Variants in DAB1 observed in about 807,000 individuals in gnomAD.
The protein encoded by DAB1 is DAB adaptor protein 1.
Under a neutral mutation model 64.6 loss-of-function variants are expected in DAB1, and 15 were observed. The ratio of observed to expected loss-of-function variants is 0.23; its 90% confidence interval spans 0.16 to 0.36. The LOEUF is 0.36. Among genes scored for constraint, DAB1 ranks in the 10% least tolerant of loss-of-function variants. DAB1 has a pLI of 1.00. For missense variants in DAB1, 596 were observed against 706.7 expected, an observed-to-expected ratio of 0.84 and a Z score of 1.78; for synonymous variants, 235 against 251.9, an observed-to-expected ratio of 0.93 and a Z score of 0.64.
At chr1:58,109,140 C>T (rs566625374) in intron 5 of DAB1, among the ~76,000 whole-genome samples, 3 of 152,298 alleles carry the variant, frequency 2.0e-5, no homozygotes, top group South Asian at 2.1e-4. Flanking sequence ...AGCCTTTTAA[C>T]TGCTTCACAT....
intron 1 of DAB1, among the ~76,000 whole-genome samples, chr1:57,834,621 A>C (rs902147104): frequency 1.3e-5 from 2 of 151,754 alleles, no homozygotes; most frequent in Admixed American, 1.3e-4. Flanking sequence ...AGTTATATAT[A>C]TACATACACA....
At chr1:57,601,987 A>G (rs1395812819) in intron 7 of DAB1, among the ~76,000 whole-genome samples, 1 of 152,134 alleles carries the variant, frequency 6.6e-6, no homozygotes, top group East Asian at 1.9e-4. Context: ...TTCTTACAGA[A>G]ATGCTCTGAG....
intron 7 of DAB1, among the ~76,000 whole-genome samples, chr1:57,522,644 T>C (rs942864914): frequency 6.6e-5 from 10 of 152,158 alleles, no homozygotes; most frequent in African/African-American, 1.9e-4. Context: ...ATGGTTAACA[T>C]TGAGAATCAA....
At chr1:57,625,084 A>T (rs1558552336) in intron 7 of DAB1, among the ~76,000 whole-genome samples, 1 of 152,158 alleles carries the variant, frequency 6.6e-6, no homozygotes, top group Non-Finnish European at 1.5e-5. Flanking sequence ...GAAGGAAGGC[A>T]TTTTCACCTT....
At chr1:58,390,723 C>T (rs2100554817) in intron 3 of DAB1, among the ~76,000 whole-genome samples, 1 of 152,270 alleles carries the variant, frequency 6.6e-6, no homozygotes, top group South Asian at 2.1e-4. Context: ...GCATTTTTTG[C>T]ACCATGTCTC....
In DAB1 at chr1:57,561,126, C is replaced by T. The variant is rs577168241; in HGVS notation, n.625+88466G>A. On this transcript the variant is annotated intron_variant and non_coding_transcript_variant, in intron 7 of 20. Transcript: ENST00000485760. ...AAATGCCCATGGTCTCCATTTCTGC[C>T]ACCCTGCCTCCTCTCCCCCAGCCTG... Among the ~76,000 whole-genome samples the T allele has an allele frequency of 7.2e-5, 11 of 152,274 alleles. No individual in the cohort carries two copies. In the South Asian group the frequency reaches 1.2e-3, roughly 17 times the overall value.
chr1:58,372,828 G>C (rs908370415), intron 3 of DAB1, among the ~76,000 whole-genome samples: 1 of 152,080 alleles, frequency 6.6e-6, no homozygotes, highest in Admixed American at 6.6e-5. Context: ...GACATGCCTT[G>C]CTTTCCATTC....
intron 1 of DAB1, among the ~76,000 whole-genome samples, chr1:57,401,131 T>C (rs1483986356): frequency 6.6e-6 from 1 of 152,100 alleles, no homozygotes; most frequent in Non-Finnish European, 1.5e-5. Flanking sequence ...GTGCATGAAA[T>C]GATTTACCTC....
chr1:58,042,755 G>A (rs781149863), intron 5 of DAB1, among the ~76,000 whole-genome samples: 8 of 152,176 alleles, frequency 5.3e-5, no homozygotes, highest in African/African-American at 1.9e-4. Flanking sequence ...TCAAGGCAGG[G>A]AGTACTGAGA....
intron 3 of DAB1, among the ~76,000 whole-genome samples, chr1:58,406,725 G>A (rs1644619491): frequency 1.4e-5 from 2 of 143,832 alleles, no homozygotes; most frequent in Non-Finnish European, 3.0e-5. Context: ...CCCCCCAACT[G>A]CCACCATCTC....
intron 4 of DAB1, among the ~76,000 whole-genome samples, chr1:58,220,848 C>T (rs928964940): frequency 7.9e-5 from 10 of 126,532 alleles, no homozygotes; most frequent in South Asian, 2.7e-4. Context: ...CACGTATACA[C>T]ATTTATACAC....
At chr1:57,865,154 A>G (rs992924087) in intron 1 of DAB1, 9 of 152,148 alleles carry the variant, frequency 5.9e-5, no homozygotes, top group Non-Finnish European at 1.2e-4. Context: ...AGAAATGTAA[A>G]AAGAAACCAG....
chr1:57,621,739 G>A (rs1185611433), intron 7 of DAB1, among the ~76,000 whole-genome samples: 1 of 152,080 alleles, frequency 6.6e-6, no homozygotes, highest in East Asian at 1.9e-4. Flanking sequence ...GCCTCTGAAG[G>A]CAATCAAAAC....
chr1:58,242,902 T>C (rs1359643630), intron 4 of DAB1, among the ~76,000 whole-genome samples: 4 of 151,426 alleles, frequency 2.6e-5, no homozygotes, highest in Non-Finnish European at 5.9e-5. Context: ...AAAAAAAAAA[T>C]AACATAAGCA....
At chr1:57,394,377 G>A (rs1682638938) in intron 1 of DAB1, among the ~76,000 whole-genome samples, 1 of 152,160 alleles carries the variant, frequency 6.6e-6, no homozygotes, top group Non-Finnish European at 1.5e-5. Context: ...CAGCTTTTGT[G>A]GTTGTCTGAA....
upstream of DAB1, among the ~76,000 whole-genome samples, chr1:57,428,338 C>G (rs1685368387): frequency 6.6e-6 from 1 of 152,174 alleles, no homozygotes; most frequent in Non-Finnish European, 1.5e-5. Context: ...TAGCCCTGGA[C>G]AAACATGATT....
intron 2 of DAB1, among the ~76,000 whole-genome samples, chr1:57,236,996 C>T (rs922404489): frequency 6.6e-6 from 1 of 152,162 alleles, no homozygotes; most frequent in African/African-American, 2.4e-5. Flanking sequence ...TTTAAATTTA[C>T]ATCTAAATAG....
intron 5 of DAB1, among the ~76,000 whole-genome samples, chr1:58,025,963 T>G (rs971425311): frequency 5.9e-5 from 9 of 152,040 alleles, no homozygotes; most frequent in Admixed American, 1.3e-4. Context: ...TGGAGGGCCA[T>G]GTCACCCCAA....
chr1:57,197,200 C>T (rs972525665), intron 2 of DAB1, among the ~76,000 whole-genome samples: 1 of 151,988 alleles, frequency 6.6e-6, no homozygotes, highest in Non-Finnish European at 1.5e-5. Flanking sequence ...AAAAATTAGC[C>T]AGGCATGGTG....
Sources: gnomAD v4.1 joint callset for allele counts (sites outside exome capture counted in the v4.1 genomes callset) on GRCh38, gnomAD v4.1.1 for gene constraint, MANE v1.5 for transcripts, NCBI Gene and HGNC (gene_info 2026-07-23, HGNC 2026-07-21) for gene names.